MBD5: variants seen among roughly 807,000 people sequenced by gnomAD.
MBD5 encodes the protein methyl-CpG-binding domain protein 5.
MBD5 carries 13 observed loss-of-function variants against 117.3 expected under a neutral mutation model. The observed-to-expected ratio is 0.11, with a 90% confidence interval of 0.07 to 0.18. MBD5 has a LOEUF of 0.18. MBD5 is among the 10% of genes least tolerant of loss of function. The pLI, the probability that MBD5 is intolerant of heterozygous loss-of-function variation, is 1.00. For synonymous variants in MBD5, 727 were observed against 766.4 expected (o/e 0.95, Z 0.85); for missense variants, 1,879 against 2,093.8 (o/e 0.90, Z 2.00).
At chr2:148,287,488 C>G (rs995599015) in intron 3 of MBD5, among the ~76,000 whole-genome samples, 1 of 152,070 alleles carries the variant, frequency 6.6e-6, no homozygotes, top group African/African-American at 2.4e-5. Context: ...ACTTTTGATT[C>G]GGTAATGAAT....
chr2:148,369,846 T>C (rs1197598847), intron 4 of MBD5, among the ~76,000 whole-genome samples: 1 of 152,164 alleles, frequency 6.6e-6, no homozygotes, highest in Non-Finnish European at 1.5e-5. Context: ...AATGTACCAT[T>C]TGAATTCAGG....
chr2:148,119,033 G>GAT (rs1696704344), intron 1 of MBD5, among the ~76,000 whole-genome samples: 1 of 151,874 alleles, frequency 6.6e-6, no homozygotes, highest in Non-Finnish European at 1.5e-5. Flanking sequence ...ACTTCTCTCA[G>GAT]GTATATACTC....
intron 4 of MBD5, among the ~76,000 whole-genome samples, chr2:148,357,885 C>A (rs1703426476): frequency 1.3e-5 from 2 of 151,956 alleles, no homozygotes; most frequent in Admixed American, 6.6e-5. Context: ...TTCAGTAAAT[C>A]TCCCCATTTT....
chr2:148,309,058 C>T (rs1701965565), intron 3 of MBD5, among the ~76,000 whole-genome samples: 2 of 151,978 alleles, frequency 1.3e-5, no homozygotes, highest in African/African-American at 4.8e-5. Flanking sequence ...TTGCTGTAGC[C>T]TTGTTGTATA....
At chr2:148,069,280 A>G (rs1375597580) in intron 1 of MBD5, among the ~76,000 whole-genome samples, 1 of 152,186 alleles carries the variant, frequency 6.6e-6, no homozygotes, top group Admixed American at 6.5e-5. Context: ...CAAAATGTGC[A>G]TACTGTTGTG....
intron 1 of MBD5, among the ~76,000 whole-genome samples, chr2:148,154,848 A>C (rs1357479422): frequency 1.3e-5 from 2 of 152,160 alleles, no homozygotes; most frequent in African/African-American, 4.8e-5. Flanking sequence ...CCCTAGTGAG[A>C]TGAACCCAGT....
At chr2:148,392,038 T>G (rs1338358186) in intron 4 of MBD5, among the ~76,000 whole-genome samples, 1 of 152,200 alleles carries the variant, frequency 6.6e-6, no homozygotes, top group Non-Finnish European at 1.5e-5. Flanking sequence ...TTGTTTTTCT[T>G]TTTTCTCACA....
In MBD5 at chr2:148,505,242, G is replaced by A. The variant is rs145476446; in HGVS notation, c.5036+2733G>A. 3.7e-3 allele frequency among the ~76,000 whole-genome samples: 559 copies of A among 152,306 alleles called. 5 individuals are homozygous for A. Among genetic ancestry groups the A allele is most frequent in the Non-Finnish European group, 5.8e-3 (393 of 68,034 alleles). On this transcript the variant is annotated intron_variant, in intron 12 of 13. Coordinates refer to ENST00000642680, the MANE Select transcript of MBD5 (RefSeq NM_001378120.1). ...TTGTAGAAACACTGACTGAAGTGGA[G>A]GTTACAGGGGGAAGCTGTTCAGTAC...
At chr2:148,158,716 T>C (rs1244112736) in intron 1 of MBD5, among the ~76,000 whole-genome samples, 2 of 152,128 alleles carry the variant, frequency 1.3e-5, no homozygotes, top group Non-Finnish European at 2.9e-5. Flanking sequence ...TGTTTGTTTG[T>C]TTGTTTTATT....
chr2:148,291,167 G>A (rs528257449), intron 3 of MBD5, among the ~76,000 whole-genome samples: 78 of 152,262 alleles, frequency 5.1e-4, no homozygotes, highest in African/African-American at 1.8e-3. Flanking sequence ...TTAAAATGGT[G>A]TGTTTGGGCT....
intron 4 of MBD5, among the ~76,000 whole-genome samples, chr2:148,397,454 C>T (rs974982261): frequency 2.6e-5 from 4 of 151,630 alleles, no homozygotes; most frequent in Admixed American, 6.6e-5. Context: ...CTCAGCCTCC[C>T]GAGTAGCTGG....
intron 1 of MBD5, among the ~76,000 whole-genome samples, chr2:148,096,684 C>G (rs1210602201): frequency 6.6e-6 from 1 of 152,064 alleles, no homozygotes; most frequent in African/African-American, 2.4e-5. Context: ...AGTGCTATGT[C>G]CCCATTTTTG....
chr2:148,061,188 G>A (rs1695025944), intron 1 of MBD5, among the ~76,000 whole-genome samples: 2 of 151,908 alleles, frequency 1.3e-5, no homozygotes, highest in Admixed American at 6.6e-5. Context: ...TTCTTCCCCT[G>A]TATCATAACC....
chr2:148,476,938 CTT>C (rs1680984335), intron 8 of MBD5, among the ~76,000 whole-genome samples: 1 of 152,012 alleles, frequency 6.6e-6, no homozygotes, highest in Non-Finnish European at 1.5e-5. Context: ...CAGCAAGAGA[CTT>C]ATACTCTTTT....
chr2:148,287,810 TAAC>T (rs772713895), intron 3 of MBD5, among the ~76,000 whole-genome samples: 8 of 152,256 alleles, frequency 5.3e-5, no homozygotes, highest in Non-Finnish European at 8.8e-5. Flanking sequence ...CATCCTATGA[TAAC>T]AACATTAATT....
chr2:148,060,222 T>G (rs1469336044), intron 1 of MBD5, among the ~76,000 whole-genome samples: 1 of 141,978 alleles, frequency 7.0e-6, no homozygotes, highest in Non-Finnish European at 1.5e-5. Context: ...GGTGGGAGGA[T>G]TGCTTGAACC....
chr2:148,356,239 C>T (rs1481324768), intron 4 of MBD5, among the ~76,000 whole-genome samples: 4 of 152,166 alleles, frequency 2.6e-5, no homozygotes, highest in Middle Eastern at 6.8e-3. Flanking sequence ...ACAATTTAAT[C>T]CCTCTTTTTC....
chr2:148,346,477 CT>C (rs1205710252), intron 4 of MBD5: 2 of 151,976 alleles, frequency 1.3e-5, no homozygotes, highest in Non-Finnish European at 2.9e-5. Flanking sequence ...GTCACTTTCT[CT>C]ATAGTTTTGT....
chr2:148,049,155 G>A (rs549791412), intron 1 of MBD5, among the ~76,000 whole-genome samples: 1 of 152,302 alleles, frequency 6.6e-6, no homozygotes, highest in Admixed American at 6.5e-5. Flanking sequence ...AGCTTGACTA[G>A]ACAGTGGCAT....
Sources: allele counts gnomAD v4.1 joint callset (sites outside exome capture counted in the v4.1 genomes callset), GRCh38; gene constraint gnomAD v4.1.1; transcripts MANE v1.5; gene names NCBI Gene and HGNC (gene_info 2026-07-23, HGNC 2026-07-21).